TBXAS1: variants seen among roughly 807,000 people sequenced by gnomAD.
TBXAS1 encodes the protein thromboxane-A synthase.
In TBXAS1, 48 loss-of-function variants were observed where a neutral mutation model predicts 60.7. The ratio of observed to expected loss-of-function variants is 0.79; its 90% confidence interval spans 0.63 to 1.01. The LOEUF (loss-of-function observed/expected upper bound fraction) is 1.01, where lower values mean the gene tolerates loss of function less well. TBXAS1 is among the 50% of genes least tolerant of loss of function. The pLI is 0.00. For missense variants in TBXAS1, 685 were observed against 686.3 expected (o/e 1.00, Z 0.02); for synonymous variants, 287 against 269.7 (o/e 1.06, Z -0.63).
Position 139,961,922 on chromosome 7 carries a change from C to A in TBXAS1, c.823C>A (p.Arg275=), listed in dbSNP as rs761419784. ...TTTTTCTCCTTTTGTTCCTTAGAGG[C>A]GGAGAGACTTCCTCCAAATGGTCCT... is the stretch of plus-strand genomic sequence containing the variant. The part of the protein sequence containing the change: ...LRDQQAAEER[R]RDFLQMVLDA... The change falls in exon 9 of 13, where the codon CGG becomes AGG. Residue 275 remains arginine, a synonymous_variant. Coordinates refer to ENST00000448866, the MANE Select transcript of TBXAS1 (RefSeq NM_001061.7). 5.0e-6 allele frequency: 8 copies of A among 1,614,194 alleles called. No individual in the cohort carries two copies. Among genetic ancestry groups the A allele is most frequent in the Non-Finnish European group, 6.8e-6 (8 of 1,180,022 alleles).
At chr7:139,816,255 G>C (rs538893227) in intron 4 of TBXAS1, among the ~76,000 whole-genome samples, 1 of 152,170 alleles carries the variant, frequency 6.6e-6, no homozygotes, top group African/African-American at 2.4e-5. Flanking sequence ...AAATTACCCA[G>C]TCTCAAGTAG....
intron 4 of TBXAS1, among the ~76,000 whole-genome samples, chr7:139,912,005 T>C (rs181553722): frequency 1.8e-4 from 27 of 151,772 alleles, no homozygotes; most frequent in African/African-American, 5.8e-4. Flanking sequence ...CCAAGGAGGG[T>C]GGATTGCTTG....
intron 5 of TBXAS1, among the ~76,000 whole-genome samples, chr7:139,940,852 T>C (rs1808232517): frequency 6.6e-6 from 1 of 152,090 alleles, no homozygotes; most frequent in Non-Finnish European, 1.5e-5. Flanking sequence ...ACCGAGAAGC[T>C]TTCTACCTAT....
Position 140,015,766 on chromosome 7 carries a change from C to T in TBXAS1, c.1270C>T (p.Arg424Cys), listed in dbSNP as rs5762. ...TCAGGACTGCGAGGTGCTGGGGCAG[C>T]GCATCCCCGCAGGCGCTGTGCTAGA... ...AAQDCEVLGQRIPAGAVLEMA... is the reference protein window; with the variant it reads ...AAQDCEVLGQCIPAGAVLEMA... The change falls in exon 11 of 13, where the codon CGC becomes TGC. Residue 424 changes from arginine to cysteine, a missense_variant. Arg to Cys is a radical substitution (Grantham distance 180). Transcript: ENST00000448866. The T allele has an allele frequency of 4.5e-4, 727 of 1,613,452 alleles. 4 individuals are homozygous for T. In the African/African-American group the frequency reaches 6.4e-3, roughly 14 times the overall value.
At chr7:139,786,117 A>G (rs1797187519) in intron 3 of TBXAS1, among the ~76,000 whole-genome samples, 1 of 150,196 alleles carries the variant, frequency 6.7e-6, no homozygotes, top group Admixed American at 6.7e-5. Flanking sequence ...GGGAGCAATG[A>G]AAGAGGGACT....
At chr7:139,933,655 G>T (rs556785998) in intron 4 of TBXAS1, among the ~76,000 whole-genome samples, 1 of 152,048 alleles carries the variant, frequency 6.6e-6, no homozygotes, top group East Asian at 1.9e-4. Context: ...TTGCAGTTAC[G>T]TTTTATGGCT....
At chr7:139,909,955 T>C (rs1013279280) in intron 3 of TBXAS1, among the ~76,000 whole-genome samples, 3 of 152,210 alleles carry the variant, frequency 2.0e-5, no homozygotes, top group Admixed American at 2.0e-4. Flanking sequence ...TCAACTGCTC[T>C]AGCTGATTCC....
Position 140,020,162 on chromosome 7 carries a change from T to C in TBXAS1, c.*63T>C. 6.4e-7 allele frequency: 1 copy of C among 1,556,950 alleles called. No individual in the cohort carries two copies. Among genetic ancestry groups the C allele is most frequent in the Non-Finnish European group, 8.9e-7 (1 of 1,129,112 alleles). ...ATTCAAAGAAAACCCTAAGTGTGGA[T>C]GTTCAGAATTTTGGAAAAATGTCAC... On this transcript the variant is annotated 3_prime_UTR_variant, in exon 13 of 13. Coordinates refer to ENST00000448866, the MANE Select transcript of TBXAS1 (RefSeq NM_001061.7).
In TBXAS1 at chr7:139,979,763, T is replaced by C. The variant is rs1467925089; in HGVS notation, c.1134+17530T>C. ...ATAATAATAATAATAATAATAATAA[T>C]AATAAATAAATAGCAAAAGAAAGAA... is the stretch of plus-strand genomic sequence containing the variant. On this transcript the variant is annotated intron_variant, in intron 9 of 12. Transcript: ENST00000448866. 4.7e-5 allele frequency among the ~76,000 whole-genome samples: 6 copies of C among 128,912 alleles called. No homozygotes were observed. The South Asian group carries it at 1.5e-3, about 32-fold the overall frequency. 84.6% of individuals were successfully genotyped at this position (128,912 alleles called of 152,430 possible).
At chr7:139,905,057 TTCTCTC>T (rs796683953) in intron 3 of TBXAS1, among the ~76,000 whole-genome samples, 3 of 107,494 alleles carry the variant, frequency 2.8e-5, no homozygotes, top group African/African-American at 8.1e-5. Context: ...CTTTCTTTCT[TTCTCTC>T]TCTCTCTCTC....
At chr7:139,841,895 C>A (rs534612447) in intron 1 of TBXAS1, among the ~76,000 whole-genome samples, 18 of 152,250 alleles carry the variant, frequency 1.2e-4, no homozygotes, top group African/African-American at 3.4e-4. Context: ...GCACTTGGTG[C>A]TTAGATGTGG....
intron 10 of TBXAS1, among the ~76,000 whole-genome samples, chr7:140,009,321 G>A (rs994751695): frequency 2.0e-5 from 3 of 152,276 alleles, no homozygotes; most frequent in East Asian, 1.9e-4. Context: ...GGCATACTGC[G>A]TGATCGTGAG....
chr7:139,805,706 CTTTCTT>C (rs775479861), intron 4 of TBXAS1, among the ~76,000 whole-genome samples: 14,348 of 48,458 alleles, frequency 0.3, 1,146 homozygotes, highest in Non-Finnish European at 0.33. Context: ...TTCTTTCTTT[CTTTCTT>C]TCTCTCTCTC....
intron 4 of TBXAS1, among the ~76,000 whole-genome samples, chr7:139,914,699 T>C (rs2267697): frequency 0.2 from 30,468 of 152,026 alleles, 5,704 homozygotes; most frequent in African/African-American, 0.49. Flanking sequence ...CCACATGCAC[T>C]TTTCCCCTTC....
chr7:139,864,617 GAAAA>G (rs558272392), intron 1 of TBXAS1, among the ~76,000 whole-genome samples: 1 of 151,500 alleles, frequency 6.6e-6, no homozygotes, highest in Non-Finnish European at 1.5e-5. Flanking sequence ...ATAAAAAAGA[GAAAA>G]AAACAAAGAG....
chr7:139,884,779 T>C (rs560715989), intron 3 of TBXAS1, among the ~76,000 whole-genome samples: 2 of 152,302 alleles, frequency 1.3e-5, no homozygotes, highest in South Asian at 2.1e-4. Flanking sequence ...TTCAGGAACC[T>C]GAGAAGCCCC....
chr7:139,972,606 G>T (rs1427372356), intron 9 of TBXAS1, among the ~76,000 whole-genome samples: 1 of 152,048 alleles, frequency 6.6e-6, no homozygotes, highest in East Asian at 1.9e-4. Flanking sequence ...CACACCAGTG[G>T]AGTGGAAGCT....
At chr7:139,931,106 TAC>T (rs377458456) in intron 4 of TBXAS1, among the ~76,000 whole-genome samples, 6 of 151,944 alleles carry the variant, frequency 3.9e-5, no homozygotes, top group African/African-American at 7.2e-5. Context: ...CACACATGCA[TAC>T]ACACACACAC....
At position 139,961,913 on chromosome 7, in the gene TBXAS1, C is replaced by T; in HGVS notation, c.820-6C>T. The T allele has an allele frequency of 6.2e-7, 1 of 1,614,094 alleles. No individual in the cohort carries two copies. Among genetic ancestry groups the T allele is most frequent in the East Asian group, 2.2e-5 (1 of 44,900 alleles). ...AAATGTGCATTTTTCTCCTTTTGTT[C>T]CTTAGAGGCGGAGAGACTTCCTCCA... On this transcript the variant is annotated splice_polypyrimidine_tract_variant and splice_region_variant and intron_variant, in intron 8 of 12. Coordinates refer to ENST00000448866, the MANE Select transcript of TBXAS1 (RefSeq NM_001061.7).
Sources: allele counts gnomAD v4.1 joint callset (sites outside exome capture counted in the v4.1 genomes callset), GRCh38; gene constraint gnomAD v4.1.1; transcripts MANE v1.5; gene names NCBI Gene and HGNC (gene_info 2026-07-23, HGNC 2026-07-21).